DCAF6: variants seen among roughly 807,000 people sequenced by gnomAD.
DCAF6 encodes DDB1- and CUL4-associated factor 6.
DCAF6 carries 54 observed loss-of-function variants against 125.1 expected under a neutral mutation model. That is an observed-to-expected ratio of 0.43 (90% CI 0.35 to 0.54). DCAF6 has a LOEUF of 0.54. Ranked by LOEUF, DCAF6 falls within the 20% of genes least tolerant of loss-of-function variation. The pLI is 0.01. For synonymous variants in DCAF6, 371 were observed against 390.4 expected (o/e 0.95, Z 0.58); for missense variants, 934 against 1,161.7 (o/e 0.80, Z 2.85).
chr1:168,024,870 C>G (rs1209481907), intron 12 of DCAF6, among the ~76,000 whole-genome samples: 1 of 151,318 alleles, frequency 6.6e-6, no homozygotes, highest in African/African-American at 2.4e-5. Flanking sequence ...TAAATTACTC[C>G]TTATGGACCT....
At chr1:167,982,520 C>T (rs997044349) in intron 4 of DCAF6, among the ~76,000 whole-genome samples, 2 of 152,110 alleles carry the variant, frequency 1.3e-5, no homozygotes, top group Non-Finnish European at 2.9e-5. Context: ...AGATTACAGG[C>T]ATGACATTTT....
At chr1:167,884,694 A>ATT in the DCAF6 span, among the ~76,000 whole-genome samples, 1,209 of 108,602 alleles carry the variant, frequency 0.011, 31 homozygotes, top group African/African-American at 0.041. Flanking sequence ...AATCATTTTA[A>ATT]TTTTTTTTTT....
intron 10 of DCAF6, among the ~76,000 whole-genome samples, chr1:168,008,095 A>C (rs1683611864): frequency 6.8e-6 from 1 of 147,796 alleles, no homozygotes; most frequent in African/African-American, 2.5e-5. Context: ...TCAGCCTCCC[A>C]AGTAGCTGGG....
intron 13 of DCAF6, among the ~76,000 whole-genome samples, chr1:168,039,715 A>G (rs1289137106): frequency 6.8e-6 from 1 of 148,004 alleles, no homozygotes; most frequent in Non-Finnish European, 1.5e-5. Flanking sequence ...ATATTAATAT[A>G]TGATCATGTT....
intron 21 of DCAF6, among the ~76,000 whole-genome samples, chr1:168,069,582 G>A (rs181444371): frequency 3.9e-5 from 6 of 152,270 alleles, no homozygotes; most frequent in East Asian, 1.9e-4. Flanking sequence ...AGTAGACAGC[G>A]TATAGCGTTT....
chr1:167,943,978 A>G (rs777795633), intron 1 of DCAF6, among the ~76,000 whole-genome samples: 3 of 145,928 alleles, frequency 2.1e-5, no homozygotes, highest in Admixed American at 7.0e-5. Flanking sequence ...AGTTGGGACT[A>G]CAGGTGCCCG....
chr1:167,998,794 A>G (rs993335461), intron 7 of DCAF6: 1 of 153,102 alleles, frequency 6.5e-6, no homozygotes, highest in African/African-American at 2.4e-5. Context: ...CTGTACTTCT[A>G]ATTCTAGTTC....
At chr1:168,066,255 A>T in intron 19 of DCAF6, 122 bp from the exon 20 acceptor site, 3 of 513,100 alleles carry the variant, frequency 5.8e-6, no homozygotes, top group Non-Finnish European at 1.0e-5. Context: ...TAACAGTTAA[A>T]TATATAGTGT....
chr1:168,027,745 AT>A (rs1686529597), intron 12 of DCAF6, among the ~76,000 whole-genome samples: 1 of 151,934 alleles, frequency 6.6e-6, no homozygotes, highest in Non-Finnish European at 1.5e-5. Context: ...TACTGAAGAA[AT>A]TTTTTTCTTT....
At chr1:168,028,826 T>C (rs1557998939) in intron 12 of DCAF6, among the ~76,000 whole-genome samples, 1 of 152,188 alleles carries the variant, frequency 6.6e-6, no homozygotes, top group Non-Finnish European at 1.5e-5. Context: ...TTGACAATTC[T>C]AATTTTTATT....
rs192115413 is a variant in DCAF6 at position 167,937,612 on chromosome 1, T to G, written c.97+604T>G. On this transcript the variant is annotated intron_variant, in intron 1 of 21. Transcript: ENST00000367840. ...TCAGTTCGTTTTGACCGCTTAAAGG[T>G]GGTGTAGGGTTTCACGTTCCTCTTC... Among the ~76,000 whole-genome samples, 592 of 152,250 alleles carry G rather than the reference T, an allele frequency of 3.9e-3. 9 individuals carry two copies. The highest frequency in any genetic ancestry group is 0.013 in the African/African-American group (541 of 41,530).
At chr1:168,033,606 C>T (rs201536) in intron 12 of DCAF6, among the ~76,000 whole-genome samples, 5,246 of 152,136 alleles carry the variant, frequency 0.034, 218 homozygotes, top group African/African-American at 0.098. Context: ...TGTGAGCCAC[C>T]GCGCCCGGCC....
chr1:168,005,970 A>C (rs1683275467), intron 10 of DCAF6, among the ~76,000 whole-genome samples: 1 of 152,128 alleles, frequency 6.6e-6, no homozygotes, highest in African/African-American at 2.4e-5. Context: ...TAAAAGCAGA[A>C]GTAGTTAAAA....
At chr1:168,022,917 G>C (rs1204687557) in intron 11 of DCAF6, 71 bp from the exon 12 acceptor site, 70 of 1,371,352 alleles carry the variant, frequency 5.1e-5, no homozygotes, top group Non-Finnish European at 6.9e-5. Context: ...CTTAAGCTTA[G>C]AGATGATCAT....
chr1:167,940,316 C>A (rs1465033609), intron 1 of DCAF6, among the ~76,000 whole-genome samples: 2 of 152,058 alleles, frequency 1.3e-5, no homozygotes, highest in Non-Finnish European at 2.9e-5. Flanking sequence ...GAGGATAGGC[C>A]AGGGATTTTA....
intron 3 of DCAF6, among the ~76,000 whole-genome samples, chr1:167,970,020 A>G (rs1195123516): frequency 1.3e-5 from 2 of 152,112 alleles, no homozygotes; most frequent in African/African-American, 4.8e-5. Flanking sequence ...CAAATGATCC[A>G]CCTGTCTCCA....
the DCAF6 span, chr1:167,919,907 CAAAAA>C: frequency 1.1e-6 from 1 of 885,060 alleles, no homozygotes; most frequent in South Asian, 1.8e-5. Flanking sequence ...GACCCCGTCT[CAAAAA>C]AAAAAAAAAT....
At chr1:167,924,933 A>G in the DCAF6 span, among the ~76,000 whole-genome samples, 4 of 152,218 alleles carry the variant, frequency 2.6e-5, no homozygotes, top group African/African-American at 7.2e-5. Flanking sequence ...CTGAATTACT[A>G]TAACAAATAG....
Position 168,041,663 on chromosome 1 carries a change from G to C in DCAF6, c.1728-1362G>C, listed in dbSNP as rs931372025. Among the ~76,000 whole-genome samples the C allele has an allele frequency of 1.3e-5, 2 of 151,498 alleles. 1 individual carries two copies. Among genetic ancestry groups the C allele is most frequent in the Admixed American group, 1.3e-4 (2 of 15,190 alleles). ...GTGTGATTTAAAATGCCATATTAAC[G>C]TATGTTAAATATATTTACTCGGTTG... On this transcript the variant is annotated intron_variant, in intron 13 of 21. Transcript: ENST00000367840.
Sources: gnomAD v4.1 joint callset for allele counts (sites outside exome capture counted in the v4.1 genomes callset) on GRCh38, gnomAD v4.1.1 for gene constraint, MANE v1.5 for transcripts, NCBI Gene and HGNC (gene_info 2026-07-23, HGNC 2026-07-21) for gene names.